The following SLC9A9 variants were observed in gnomAD, a reference collection of about 807,000 sequenced individuals.
SLC9A9 encodes sodium/hydrogen exchanger 9.
Under a neutral mutation model 77.8 loss-of-function variants are expected in SLC9A9, and 62 were observed. The ratio of observed to expected loss-of-function variants is 0.80; its 90% CI spans 0.65 to 0.98. SLC9A9 has a LOEUF of 0.98. SLC9A9 is among the 50% of genes least tolerant of loss of function. The pLI is 0.00. For missense variants in SLC9A9, 775 were observed against 774.9 expected, an observed-to-expected ratio of 1.00 and a Z score of 0.00; for synonymous variants, 320 against 283.5, an observed-to-expected ratio of 1.13 and a Z score of -1.29.
intron 6 of SLC9A9, among the ~76,000 whole-genome samples, chr3:143,625,585 C>G (rs558324773): frequency 6.6e-6 from 1 of 152,230 alleles, no homozygotes; most frequent in South Asian, 2.1e-4. Flanking sequence ...AAACTGGATC[C>G]CTTCCTTATA....
chr3:143,271,397 C>A (rs1937895582), intron 14 of SLC9A9, among the ~76,000 whole-genome samples: 1 of 152,174 alleles, frequency 6.6e-6, no homozygotes, highest in Non-Finnish European at 1.5e-5. Flanking sequence ...ATCCTCTGAG[C>A]CTCAGGCTTT....
chr3:143,511,708 A>C (rs1201836206), intron 9 of SLC9A9, among the ~76,000 whole-genome samples: 1 of 152,130 alleles, frequency 6.6e-6, no homozygotes, highest in Non-Finnish European at 1.5e-5. Flanking sequence ...TCTGTGGCCT[A>C]AGCCCTCAGC....
At position 143,795,058 on chromosome 3, in the gene SLC9A9, A is replaced by G. The variant is rs966831164; in HGVS notation, c.476T>C (p.Leu159Ser). 10 of 1,613,582 alleles carry G rather than the reference A, an allele frequency of 6.2e-6. No homozygotes were observed. Among genetic ancestry groups the G allele is most frequent in the Non-Finnish European group, 8.5e-6 (10 of 1,179,836 alleles). Residue 159 changes from leucine (L) to serine (S), a missense_variant, in exon 4 of 16, where the codon TTA becomes TCA. Leu to Ser is a moderately radical substitution (Grantham distance 145, BLOSUM62 -2). Transcript: ENST00000316549. ...GAAGGCATACGTTAAAATAGATCCT[A>G]AGTTTTGAAAAAAGTGTCTCTGGGG... is the stretch of plus-strand genomic sequence containing the variant. ...SLKKRHFFQN[L>S]GSILTYAFLG...
rs1446279272 is a variant in SLC9A9, at chr3:143,449,908, A to T, written c.1469+17129T>A. On this transcript the variant is annotated intron_variant, in intron 12 of 15. Transcript: ENST00000316549. ...AATATATAATTATATAACATATAAT[A>T]TAATATTACATAATATATATTACAT... Among the ~76,000 whole-genome samples, 45 of 62,826 alleles carry T rather than the reference A, an allele frequency of 7.2e-4. 3 individuals carry two copies. The highest frequency in any genetic ancestry group is 8.9e-4 in the Non-Finnish European group (35 of 39,416). 41.2% of individuals were successfully genotyped at this position (62,826 alleles called of 152,430 possible). A position where few individuals can be genotyped will look rare whatever the true frequency, so the allele number is the denominator to read the frequency against.
chr3:143,531,852 A>G (rs1203242796), intron 9 of SLC9A9, among the ~76,000 whole-genome samples: 2 of 152,222 alleles, frequency 1.3e-5, no homozygotes, highest in African/African-American at 4.8e-5. Flanking sequence ...AGACTCTTAC[A>G]GGTAGCTCAT....
chr3:143,701,618 G>A (rs1462848560), intron 4 of SLC9A9, among the ~76,000 whole-genome samples: 2 of 151,760 alleles, frequency 1.3e-5, no homozygotes, highest in Non-Finnish European at 1.5e-5. Flanking sequence ...AGTCAGAGGA[G>A]GCAAAAGAAA....
chr3:143,300,390 C>T (rs1054455752), intron 14 of SLC9A9, among the ~76,000 whole-genome samples: 1 of 152,186 alleles, frequency 6.6e-6, no homozygotes, highest in African/African-American at 2.4e-5. Flanking sequence ...CATTCTGCAC[C>T]TCATTGGAAG....
chr3:143,837,224 C>A (rs892826344), intron 1 of SLC9A9, among the ~76,000 whole-genome samples: 33 of 152,234 alleles, frequency 2.2e-4, no homozygotes, highest in Admixed American at 2.2e-3. Context: ...CTTGGCACAA[C>A]TCTGGCCAGA....
chr3:143,614,083 C>G (rs1021470480), intron 6 of SLC9A9, among the ~76,000 whole-genome samples: 1 of 152,116 alleles, frequency 6.6e-6, no homozygotes, highest in African/African-American at 2.4e-5. Flanking sequence ...TTAGTTGTCC[C>G]TCAGCTCCAC....
chr3:143,440,402 G>T (rs2034710000), intron 12 of SLC9A9, among the ~76,000 whole-genome samples: 1 of 152,208 alleles, frequency 6.6e-6, no homozygotes, highest in Admixed American at 6.5e-5. Context: ...GGAGAATGAG[G>T]AGAGTCGGGG....
At chr3:143,687,362 T>G (rs1933304856) in intron 5 of SLC9A9, among the ~76,000 whole-genome samples, 1 of 152,170 alleles carries the variant, frequency 6.6e-6, no homozygotes, top group African/African-American at 2.4e-5. Flanking sequence ...AGGCAATAAA[T>G]GAATAATTGT....
intron 4 of SLC9A9, among the ~76,000 whole-genome samples, chr3:143,769,724 G>A (rs1265361536): frequency 6.6e-6 from 1 of 152,114 alleles, no homozygotes; most frequent in Non-Finnish European, 1.5e-5. Flanking sequence ...CCCAGGAAAA[G>A]GTCAATAAAG....
At chr3:143,494,270 T>C (rs1458374223) in intron 10 of SLC9A9, among the ~76,000 whole-genome samples, 3 of 152,248 alleles carry the variant, frequency 2.0e-5, no homozygotes, top group Non-Finnish European at 4.4e-5. Context: ...TCTAATTACA[T>C]AATACAACTG....
intron 14 of SLC9A9, among the ~76,000 whole-genome samples, chr3:143,331,009 T>C (rs2031749361): frequency 6.6e-6 from 1 of 152,232 alleles, no homozygotes; most frequent in South Asian, 2.1e-4. Flanking sequence ...AGCATTATCA[T>C]GCATATAAAG....
intron 4 of SLC9A9, among the ~76,000 whole-genome samples, chr3:143,780,304 T>C (rs1177851173): frequency 6.6e-6 from 1 of 152,066 alleles, no homozygotes; most frequent in Non-Finnish European, 1.5e-5. Context: ...TAGTAAAAGG[T>C]GATGACGTGG....
chr3:143,422,355 C>A (rs1161684510), intron 12 of SLC9A9, among the ~76,000 whole-genome samples: 1 of 152,146 alleles, frequency 6.6e-6, no homozygotes, highest in African/African-American at 2.4e-5. Context: ...ACCCAGGTGC[C>A]CATCAACGGT....
chr3:143,307,228 C>T (rs2030826315), intron 14 of SLC9A9, among the ~76,000 whole-genome samples: 1 of 152,238 alleles, frequency 6.6e-6, no homozygotes. Context: ...ACCATGGAAA[C>T]TGGCATATGC....
At chr3:143,640,179 G>A (rs889045755) in intron 6 of SLC9A9, among the ~76,000 whole-genome samples, 7 of 151,770 alleles carry the variant, frequency 4.6e-5, no homozygotes, top group African/African-American at 7.3e-5. Context: ...CGGCCACCAC[G>A]CCCGGCTAAT....
intron 14 of SLC9A9, among the ~76,000 whole-genome samples, chr3:143,346,092 C>T (rs1179496127): frequency 2.0e-5 from 3 of 152,022 alleles, no homozygotes; most frequent in Non-Finnish European, 2.9e-5. Flanking sequence ...CCCTAGACTT[C>T]GTAGGAGGGC....
Sources: gnomAD v4.1 joint callset for allele counts (sites outside exome capture counted in the v4.1 genomes callset) on GRCh38, gnomAD v4.1.1 for gene constraint, MANE v1.5 for transcripts, NCBI Gene and HGNC (gene_info 2026-07-23, HGNC 2026-07-21) for gene names.